DMD: variants seen among roughly 807,000 people sequenced by gnomAD.
DMD encodes the protein mutant dystrophin.
Under a neutral mutation model 330.1 loss-of-function variants are expected in DMD, and 63 were observed. That is an observed-to-expected ratio of 0.19 (90% CI 0.16 to 0.24). The LOEUF is 0.24. Among genes scored for constraint, DMD ranks in the 10% least tolerant of loss-of-function variants. DMD has a pLI of 1.00. For missense variants in DMD, 3,344 were observed against 2,684.1 expected (o/e 1.25, Z -5.43); for synonymous variants, 1,223 against 959.8 (o/e 1.27, Z -5.07).
At chrX:33,291,609 G>C (rs951671557) in intron 1 of DMD, among the ~76,000 whole-genome samples, 1 of 111,207 alleles carries the variant, frequency 9.0e-6, no homozygotes, top group African/African-American at 3.3e-5. Flanking sequence ...AATAAAAAGA[G>C]AAATACTTAT....
intron 2 of DMD, among the ~76,000 whole-genome samples, chrX:32,959,273 A>G (rs1463978892): frequency 9.0e-6 from 1 of 111,320 alleles, no homozygotes; most frequent in Non-Finnish European, 1.9e-5. Flanking sequence ...TCAGTGCGCA[A>G]AGTACAAGGC....
chrX:32,842,144 C>G (rs773215219), intron 4 of DMD, among the ~76,000 whole-genome samples: 246 of 111,720 alleles, frequency 2.2e-3, no homozygotes, highest in Non-Finnish European at 3.7e-3. Context: ...CAAGGGAGCC[C>G]CATTGAGAAA....
intron 59 of DMD, 92 bp downstream of exon 59, chrX:31,478,014 A>T: frequency 9.8e-7 from 1 of 1,020,771 alleles, no homozygotes; most frequent in African/African-American, 1.8e-5. Flanking sequence ...CTCTAGCTTT[A>T]ACTTTGTGGG....
chrX:32,074,879 G>A (rs867444843), intron 44 of DMD, among the ~76,000 whole-genome samples: 1 of 108,832 alleles, frequency 9.2e-6, no homozygotes, highest in Admixed American at 9.9e-5. Flanking sequence ...CAACAACAAC[G>A]ACAACAACAA....
chrX:31,450,227 T>C (rs753174184), intron 59 of DMD, among the ~76,000 whole-genome samples: 4 of 111,859 alleles, frequency 3.6e-5, no homozygotes, highest in Admixed American at 1.9e-4. Flanking sequence ...TACTGGTGTT[T>C]AGTACTTATT....
At chrX:32,150,417 G>A (rs1473178385) in intron 44 of DMD, among the ~76,000 whole-genome samples, 2 of 111,540 alleles carry the variant, frequency 1.8e-5, no homozygotes, top group African/African-American at 6.5e-5. Context: ...TGCAGTTGCC[G>A]GTGCCGCTGG....
chrX:31,390,450 A>G (rs2060635920), intron 60 of DMD, among the ~76,000 whole-genome samples: 1 of 110,710 alleles, frequency 9.0e-6, no homozygotes, highest in Non-Finnish European at 1.9e-5. Flanking sequence ...ACTTGGACAT[A>G]TCACACACAT....
At chrX:32,188,976 G>T (rs1478280522) in intron 44 of DMD, among the ~76,000 whole-genome samples, 5 of 110,307 alleles carry the variant, frequency 4.5e-5, no homozygotes, top group Non-Finnish European at 9.5e-5. Context: ...CACCTATAGG[G>T]TCTACAATTT....
At chrX:32,984,778 G>A (rs974428547) in intron 2 of DMD, among the ~76,000 whole-genome samples, 3 of 111,202 alleles carry the variant, frequency 2.7e-5, no homozygotes, top group African/African-American at 9.8e-5. Context: ...ACTTTGTTCA[G>A]AGCTGCTTCT....
intron 59 of DMD, among the ~76,000 whole-genome samples, chrX:31,475,309 G>A (rs1759220710): frequency 1.8e-5 from 2 of 112,042 alleles, no homozygotes. Flanking sequence ...GATAAGACAG[G>A]GAAACTAAAA....
intron 1 of DMD, among the ~76,000 whole-genome samples, chrX:33,248,966 G>A (rs1397844844): frequency 8.9e-6 from 1 of 112,056 alleles, no homozygotes; most frequent in Non-Finnish European, 1.9e-5. Flanking sequence ...ATGCAATTCA[G>A]CATGTGAAAA....
chrX:32,914,147 T>C (rs1236014766), intron 2 of DMD, among the ~76,000 whole-genome samples: 4 of 111,623 alleles, frequency 3.6e-5, no homozygotes, highest in Non-Finnish European at 7.5e-5. Context: ...AGTCCCCCCA[T>C]CAAGCATCAT....
chrX:32,319,895 G>A (rs151287299), intron 41 of DMD, among the ~76,000 whole-genome samples: 2,316 of 110,029 alleles, frequency 0.021, 22 homozygotes, highest in Non-Finnish European at 0.029. Flanking sequence ...AAAAGTTTTC[G>A]TTTACATATC....
At chrX:31,965,004 G>A (rs904364319) in intron 45 of DMD, among the ~76,000 whole-genome samples, 1 of 111,374 alleles carries the variant, frequency 9.0e-6, no homozygotes, top group African/African-American at 3.3e-5. Flanking sequence ...TGATTCAGAG[G>A]TTCCTCAATT....
chrX:32,308,185 T>C (rs1433817651), intron 42 of DMD, among the ~76,000 whole-genome samples: 2 of 110,985 alleles, frequency 1.8e-5, no homozygotes, highest in African/African-American at 6.5e-5. Context: ...ATACGTGCTA[T>C]TTTAGTTGTA....
chrX:33,212,417 C>T (rs794726908), upstream of DMD, among the ~76,000 whole-genome samples: 26 of 111,317 alleles, frequency 2.3e-4, no homozygotes, highest in East Asian at 8.5e-4. Flanking sequence ...TCATCTTGTT[C>T]CTTATTACTT....
intron 7 of DMD, among the ~76,000 whole-genome samples, chrX:32,700,404 G>C (rs2064008366): frequency 9.0e-6 from 1 of 111,073 alleles, no homozygotes; most frequent in African/African-American, 3.3e-5. Context: ...GTTTACCAGG[G>C]GCTGTGGGGC....
chrX:31,998,046 C>T (rs991901365), intron 44 of DMD, among the ~76,000 whole-genome samples: 2 of 111,307 alleles, frequency 1.8e-5, no homozygotes, highest in Admixed American at 9.6e-5. Flanking sequence ...CCATTCCATG[C>T]CTTGAGAGGG....
chrX:31,164,139 T>TC (rs1347120784), intron 74 of DMD, among the ~76,000 whole-genome samples: 1 of 112,105 alleles, frequency 8.9e-6, no homozygotes, highest in Non-Finnish European at 1.9e-5. Flanking sequence ...GTTCACATCT[T>TC]CCGGAGTTCT....
Sources: allele counts gnomAD v4.1 joint callset (sites outside exome capture counted in the v4.1 genomes callset), GRCh38; gene constraint gnomAD v4.1.1; transcripts MANE v1.5; gene names NCBI Gene and HGNC (gene_info 2026-07-23, HGNC 2026-07-21).